Variants in TRAPPC11 observed in about 807,000 individuals in gnomAD.
TRAPPC11 encodes the protein foie gras homolog.
In TRAPPC11, 104 loss-of-function variants were observed where a neutral mutation model predicts 151.2. That is an observed-to-expected ratio of 0.69 (90% CI 0.59 to 0.81). TRAPPC11 has a LOEUF of 0.81. TRAPPC11 is among the 30% of genes least tolerant of loss of function. The pLI, the probability that TRAPPC11 is intolerant of heterozygous loss-of-function variation, is 0.00. For synonymous variants in TRAPPC11, 456 were observed against 472.3 expected (o/e 0.97, Z 0.45); for missense variants, 1,230 against 1,349.6 (o/e 0.91, Z 1.39).
At chr4:183,693,237 G>A in intron 20 of TRAPPC11, 90 bp downstream of exon 20, 1 of 1,266,142 alleles carries the variant, frequency 7.9e-7, no homozygotes, top group Non-Finnish European at 1.1e-6. Flanking sequence ...TCTTGTCCAG[G>A]CTGGAGTGCA....
chr4:183,677,055 G>A (rs1339894644), intron 7 of TRAPPC11, among the ~76,000 whole-genome samples: 1 of 152,178 alleles, frequency 6.6e-6, no homozygotes, highest in African/African-American at 2.4e-5. Flanking sequence ...GTGAGCCACC[G>A]TGCCTGGCTG....
chr4:183,690,203 G>T (rs1453115899), intron 18 of TRAPPC11, among the ~76,000 whole-genome samples: 1 of 141,556 alleles, frequency 7.1e-6, no homozygotes, highest in Non-Finnish European at 1.5e-5. Flanking sequence ...TAAAAGAAAA[G>T]AAATTCACAA....
chr4:183,679,563 C>CAGTTT, intron 9 of TRAPPC11, 77 bp downstream of exon 9: 1 of 1,323,940 alleles, frequency 7.6e-7, no homozygotes, highest in Non-Finnish European at 1.0e-6. Flanking sequence ...GACTTTGGTT[C>CAGTTT]TAAAACTGAA....
intron 5 of TRAPPC11, among the ~76,000 whole-genome samples, chr4:183,670,081 G>A (rs777374565): frequency 1.8e-4 from 28 of 152,238 alleles, no homozygotes; most frequent in Non-Finnish European, 4.0e-4. Flanking sequence ...TCTTCAGAGA[G>A]AGAGAGAGTA....
chr4:183,665,249 C>T (rs1022763183), intron 2 of TRAPPC11, among the ~76,000 whole-genome samples: 33 of 152,072 alleles, frequency 2.2e-4, no homozygotes, highest in South Asian at 4.2e-4. Flanking sequence ...CGCCCGCCAC[C>T]ACGTCCAGCT....
chr4:183,661,041 C>T (rs1734481821), intron 1 of TRAPPC11, among the ~76,000 whole-genome samples: 1 of 152,048 alleles, frequency 6.6e-6, no homozygotes, highest in South Asian at 2.1e-4. Flanking sequence ...TTCATTCCTA[C>T]ATTACCCAGA....
Position 183,667,051 on chromosome 4 carries a change from TC to T in TRAPPC11, c.375-8del. 6.3e-7 allele frequency: 1 copy of T among 1,590,430 alleles called. No homozygotes were observed. The highest frequency in any genetic ancestry group is 8.6e-7 in the Non-Finnish European group (1 of 1,164,334). On this transcript the variant is annotated splice_region_variant and splice_polypyrimidine_tract_variant and intron_variant, in intron 3 of 29. Coordinates refer to ENST00000334690, the MANE Select transcript of TRAPPC11 (RefSeq NM_021942.6). The stretch of plus-strand genomic sequence containing the variant: ...AATAATTAATTTTATTCTTGCTTTT[TC>T]ATTGCAGGCAAAGTTTACAAGGAAG...
chr4:183,702,490 C>T (rs1424154541), intron 26 of TRAPPC11, among the ~76,000 whole-genome samples: 2 of 151,910 alleles, frequency 1.3e-5, no homozygotes, highest in Admixed American at 1.3e-4. Flanking sequence ...ATGAATGAAC[C>T]AGAGCTACAC....
chr4:183,661,432 C>G (rs191429054), intron 1 of TRAPPC11, among the ~76,000 whole-genome samples: 1 of 128,720 alleles, frequency 7.8e-6, no homozygotes, highest in Admixed American at 9.8e-5. Flanking sequence ...AGTGCAGTGG[C>G]GCGATCTCCG....
Position 183,694,636 on chromosome 4 carries a change from A to G in TRAPPC11, c.2541A>G (p.Thr847=), listed in dbSNP as rs778170404. The change falls in exon 23 of 30, where the codon ACA becomes ACG. Residue 847 remains threonine (T), a synonymous_variant. Coordinates refer to ENST00000334690, the MANE Select transcript of TRAPPC11 (RefSeq NM_021942.6). ...AAATGTTGTATGTTCGCTGTGGAAC[A>G]GTGGGTTCCAGAATGTTTCTTGTAT... ...LEKMLYVRCG[T]VGSRMFLVYV... 3.1e-6 allele frequency: 5 copies of G among 1,612,760 alleles called. No individual in the cohort carries two copies. The South Asian group carries it at 4.4e-5, about 14-fold the overall frequency.
chr4:183,687,374 C>T (rs933076203), intron 18 of TRAPPC11, among the ~76,000 whole-genome samples: 1 of 151,748 alleles, frequency 6.6e-6, no homozygotes, highest in African/African-American at 2.4e-5. Flanking sequence ...GGGTCTCGCT[C>T]TGTTGCCCAG....
intron 18 of TRAPPC11, among the ~76,000 whole-genome samples, chr4:183,687,408 T>C (rs1736038609): frequency 6.6e-6 from 1 of 151,990 alleles, no homozygotes; most frequent in African/African-American, 2.4e-5. Context: ...GGTGCAATCA[T>C]AGCTCACTGT....
rs946882975 is a variant in TRAPPC11, at chr4:183,673,412, G to T, written c.561-1301G>T. The stretch of plus-strand genomic sequence containing the variant: ...TAAAAGGCCGGACATGAGGGTTTAT[G>T]CCTGTAATCCCAATACTTTGGGAGA... On this transcript the variant is annotated intron_variant, in intron 5 of 29. Transcript: ENST00000334690. Among the ~76,000 whole-genome samples the T allele has an allele frequency of 2.0e-5, 3 of 152,166 alleles. No homozygotes were observed. The East Asian group carries it at 5.8e-4, about 29-fold the overall frequency.
chr4:183,703,954 C>T (rs1736922271), intron 26 of TRAPPC11, among the ~76,000 whole-genome samples: 2 of 152,188 alleles, frequency 1.3e-5, no homozygotes, highest in Admixed American at 6.5e-5. Context: ...TAGTGCTCTT[C>T]AAAGTGGTCT....
chr4:183,695,459 A>C (rs577264424), intron 23 of TRAPPC11, among the ~76,000 whole-genome samples: 1 of 152,348 alleles, frequency 6.6e-6, no homozygotes, highest in East Asian at 1.9e-4. Context: ...TCACGGTTAC[A>C]GTTCACAACT....
intron 8 of TRAPPC11, 30 bp from the exon 9 acceptor site, chr4:183,679,323 T>G (rs1161154029): frequency 1.3e-6 from 2 of 1,522,422 alleles, no homozygotes; most frequent in Non-Finnish European, 8.8e-7. Flanking sequence ...TTTTTTTCCT[T>G]TATTTTGGGA....
Position 183,693,669 on chromosome 4 carries a change from T to G in TRAPPC11, c.2318T>G (p.Val773Gly), listed in dbSNP as rs764727461. 1 of 1,614,220 alleles carries G rather than the reference T, an allele frequency of 6.2e-7. No individual in the cohort carries two copies. Among genetic ancestry groups the G allele is most frequent in the Non-Finnish European group, 8.5e-7 (1 of 1,180,028 alleles). The change falls in exon 21 of 30, where the codon GTT becomes GGT. Residue 773 changes from valine to glycine, a missense_variant. Val to Gly is a moderately radical substitution (Grantham distance 109, BLOSUM62 -3). Transcript: ENST00000334690. ...CTGACTAATGAAATGTATTGTTTGG[T>G]TGTGACTGTTCAGTCCCATGAAAAG... ...PALTNEMYCL[V>G]VTVQSHEKTQ...
At chr4:183,684,282 A>G in intron 13 of TRAPPC11, 23 bp from the exon 14 acceptor site, 1 of 1,612,814 alleles carries the variant, frequency 6.2e-7, no homozygotes, top group South Asian at 1.1e-5. Context: ...AGTTACATAC[A>G]TAAATCTTTT....
rs1230683772 is a variant in TRAPPC11 at position 183,713,193 on chromosome 4, CT to C, written c.*552del. 6.6e-6 allele frequency: 1 copy of C among 152,326 alleles called. No homozygotes were observed. Among genetic ancestry groups the C allele is most frequent in the Non-Finnish European group, 1.5e-5 (1 of 68,144 alleles). The allele number at this position is 152,326 out of a possible 1,614,324, so 9.4% of individuals were successfully genotyped here. On this transcript the variant is annotated 3_prime_UTR_variant, in exon 30 of 30. Transcript: ENST00000334690. Reference sequence around the variant, plus strand: ...AGTTTAATTAAGGTATCAAAAATATCTTTGCTTACTATCAAGAAGTGTCAAA... The same window carrying C: ...AGTTTAATTAAGGTATCAAAAATATCTTGCTTACTATCAAGAAGTGTCAAA...
Sources: allele counts gnomAD v4.1 joint callset (sites outside exome capture counted in the v4.1 genomes callset), GRCh38; gene constraint gnomAD v4.1.1; transcripts MANE v1.5; gene names NCBI Gene and HGNC (gene_info 2026-07-23, HGNC 2026-07-21).